SLCO2B1: variants seen among roughly 807,000 people sequenced by gnomAD.
SLCO2B1 encodes solute carrier organic anion transporter family member 2B1.
A neutral mutation model predicts 67.3 loss-of-function variants in SLCO2B1; 41 were observed. That is an observed-to-expected ratio of 0.61 (90% CI 0.47 to 0.79). The LOEUF (loss-of-function observed/expected upper bound fraction) is 0.79. SLCO2B1 is among the 30% of genes least tolerant of loss of function. The pLI is 0.00. For synonymous variants in SLCO2B1, 379 were observed against 381.4 expected (o/e 0.99, Z 0.07); for missense variants, 837 against 920.1 (o/e 0.91, Z 1.17).
chr11:75,197,506 C>A (rs1336213998), intron 10 of SLCO2B1, among the ~76,000 whole-genome samples: 2 of 152,190 alleles, frequency 1.3e-5, no homozygotes, highest in Admixed American at 1.3e-4. Context: ...CACAAGGGTT[C>A]ATGAAGGGAA....
intron 1 of SLCO2B1, among the ~76,000 whole-genome samples, chr11:75,154,370 C>T (rs996231668): frequency 5.2e-4 from 79 of 152,050 alleles, no homozygotes; most frequent in African/African-American, 1.9e-3. Flanking sequence ...TGTGGTGGCA[C>T]ATGCCTGTAA....
intron 9 of SLCO2B1, 24 bp from the exon 10 acceptor site, chr11:75,196,490 C>A (rs768438893): frequency 6.2e-7 from 1 of 1,607,250 alleles, no homozygotes; most frequent in Non-Finnish European, 8.5e-7. Flanking sequence ...CCAGGCCAAC[C>A]CTACTGGTCT....
chr11:75,186,978 T>C (rs1439133658), intron 7 of SLCO2B1, among the ~76,000 whole-genome samples: 2 of 152,226 alleles, frequency 1.3e-5, no homozygotes, highest in African/African-American at 4.8e-5. Context: ...CCACTTATTA[T>C]CTGTGTGAAA....
At chr11:75,173,914 C>G (rs557411784) in intron 7 of SLCO2B1, among the ~76,000 whole-genome samples, 1 of 152,082 alleles carries the variant, frequency 6.6e-6, no homozygotes, top group African/African-American at 2.4e-5. Context: ...GCGATTCTTC[C>G]GCCTCAGCCT....
At chr11:75,160,460 C>T (rs1221466565) in intron 1 of SLCO2B1, among the ~76,000 whole-genome samples, 1 of 152,212 alleles carries the variant, frequency 6.6e-6, no homozygotes, top group South Asian at 2.1e-4. Context: ...GCACAGAAAG[C>T]CTGTGGCATG....
At chr11:75,158,929 T>G (rs1367057498) in intron 1 of SLCO2B1, among the ~76,000 whole-genome samples, 1 of 151,990 alleles carries the variant, frequency 6.6e-6, no homozygotes, top group Non-Finnish European at 1.5e-5. Flanking sequence ...GTCAGGCTGG[T>G]CTCTGAAACC....
chr11:75,156,093 T>C (rs993767977), intron 1 of SLCO2B1, among the ~76,000 whole-genome samples: 1 of 152,108 alleles, frequency 6.6e-6, no homozygotes, highest in South Asian at 2.1e-4. Context: ...CACTGGGAGA[T>C]AGACACTGCT....
intron 4 of SLCO2B1, among the ~76,000 whole-genome samples, chr11:75,166,708 C>G (rs901836555): frequency 1.3e-5 from 2 of 152,202 alleles, no homozygotes; most frequent in African/African-American, 2.4e-5. Context: ...CTGCCTACTT[C>G]GTGCCTGAGC....
chr11:75,169,111 C>T (rs528369397), intron 4 of SLCO2B1, 62 bp from the exon 5 acceptor site: 71 of 1,356,678 alleles, frequency 5.2e-5, no homozygotes, highest in African/African-American at 5.2e-4. Context: ...TACCTTCCCC[C>T]GGGGTAAGCG....
At chr11:75,151,464 G>A (rs376340009) in intron 1 of SLCO2B1, 67 bp downstream of exon 1, 2 of 1,569,158 alleles carry the variant, frequency 1.3e-6, no homozygotes, top group South Asian at 1.1e-5. Context: ...CCAGAGAAAA[G>A]GGTGAGGCCG....
In SLCO2B1 at chr11:75,180,703, G is replaced by A. The variant is rs529157845; in HGVS notation, c.973-7433G>A. Among the ~76,000 whole-genome samples the A allele has an allele frequency of 3.9e-5, 6 of 152,314 alleles. No individual in the cohort carries two copies. The East Asian group carries it at 7.7e-4, about 20-fold the overall frequency. ...TACAGTACTACAACAGTAGGAATTA[G>A]GCTAACATTTATTACTTACTCTGTA... On this transcript the variant is annotated intron_variant, in intron 7 of 13. Coordinates refer to ENST00000289575, the MANE Select transcript of SLCO2B1 (RefSeq NM_007256.5).
intron 7 of SLCO2B1, among the ~76,000 whole-genome samples, chr11:75,186,883 C>T (rs1393628705): frequency 6.6e-6 from 1 of 152,228 alleles, no homozygotes; most frequent in Non-Finnish European, 1.5e-5. Flanking sequence ...GGGGCCTTGG[C>T]CTTGGTTGCC....
At chr11:75,167,147 G>A (rs1456039831) in intron 4 of SLCO2B1, among the ~76,000 whole-genome samples, 1 of 152,180 alleles carries the variant, frequency 6.6e-6, no homozygotes. Flanking sequence ...GGTGGCACTT[G>A]AGCTGCAGCT....
chr11:75,202,917 G>A lies in SLCO2B1; in HGVS notation c.1780G>A (p.Asp594Asn), dbSNP rs267603190. The A allele has an allele frequency of 1.2e-6, 2 of 1,613,872 alleles. No homozygotes were observed. The highest frequency in any genetic ancestry group is 1.7e-6 in the Non-Finnish European group (2 of 1,179,950). ...GCTTGTTAGAGGAGTGAAGAAAGAA[G>A]ACAAGACTTTGGCTGTGGGCATCCA... ...MLILRGVKKEDKTLAVGIQFM... is the reference protein window; with the variant it reads ...MLILRGVKKENKTLAVGIQFM... Residue 594 changes from aspartate to asparagine, a missense_variant, in exon 12 of 14, where the codon GAC becomes AAC. Transcript: ENST00000289575.
intron 7 of SLCO2B1, among the ~76,000 whole-genome samples, chr11:75,186,300 C>T (rs1944929840): frequency 6.6e-6 from 1 of 151,858 alleles, no homozygotes; most frequent in African/African-American, 2.4e-5. Flanking sequence ...CCTCCGCCTC[C>T]CAGGTTCAAG....
intron 10 of SLCO2B1, among the ~76,000 whole-genome samples, chr11:75,197,210 A>G (rs1945113647): frequency 6.6e-6 from 1 of 152,216 alleles, no homozygotes; most frequent in Non-Finnish European, 1.5e-5. Context: ...GGGAGATGCA[A>G]AAGGAAAGAA....
rs1208985917 is a variant in SLCO2B1 at position 75,169,417 on chromosome 11, G to A, written c.682+11G>A. The A allele has an allele frequency of 7.0e-6, 11 of 1,571,946 alleles. No homozygotes were observed. Among genetic ancestry groups the A allele is most frequent in the East Asian group, 6.8e-5 (3 of 44,384 alleles). On this transcript the variant is annotated intron_variant, in intron 5 of 13. Transcript: ENST00000289575. Reference sequence around the variant, plus strand: ...CGCCCCTCTACCTCGGTGAGGACCAGTGCCATCCCTTGGCCTCTGAGGGTC... The same window carrying A: ...CGCCCCTCTACCTCGGTGAGGACCAATGCCATCCCTTGGCCTCTGAGGGTC...
intron 7 of SLCO2B1, among the ~76,000 whole-genome samples, chr11:75,186,202 C>T (rs1330911270): frequency 2.0e-5 from 3 of 151,922 alleles, no homozygotes; most frequent in Non-Finnish European, 2.9e-5. Flanking sequence ...TGTGCCACCA[C>T]ACCTGGCTGA....
At chr11:75,178,925 G>T (rs1460413752) in intron 7 of SLCO2B1, among the ~76,000 whole-genome samples, 1 of 152,122 alleles carries the variant, frequency 6.6e-6, no homozygotes, top group Non-Finnish European at 1.5e-5. Context: ...GTTCACCCAG[G>T]TTTTCACAAT....
Sources: allele counts gnomAD v4.1 joint callset (sites outside exome capture counted in the v4.1 genomes callset), GRCh38; gene constraint gnomAD v4.1.1; transcripts MANE v1.5; gene names NCBI Gene and HGNC (gene_info 2026-07-23, HGNC 2026-07-21).